The following ARSJ variants were observed in gnomAD, a reference collection of about 807,000 sequenced individuals.
ARSJ encodes arylsulfatase family member J.
Under a neutral mutation model 35.9 loss-of-function variants are expected in ARSJ, and 26 were observed. The observed-to-expected ratio is 0.72, with a 90% CI of 0.53 to 1.00. The LOEUF is 1.00. Ranked by LOEUF, ARSJ falls within the 50% of genes least tolerant of loss-of-function variation. The pLI is 0.00. For missense variants in ARSJ, 667 were observed against 723.6 expected (o/e 0.92, Z 0.90); for synonymous variants, 294 against 267.6 (o/e 1.10, Z -0.96).
intron 1 of ARSJ, among the ~76,000 whole-genome samples, chr4:113,966,208 TTAG>T (rs900194738): frequency 6.6e-6 from 1 of 151,796 alleles, no homozygotes; most frequent in Non-Finnish European, 1.5e-5. Context: ...TGAAATGGAG[TTAG>T]TATATATAAT....
Position 113,902,723 on chromosome 4 carries a change from C to A in ARSJ, c.1351G>T (p.Val451Leu). ...WNTAIQSAIR[V>L]QHWKLLTGNP... ...CCTGTAAGCAATTTCCAGTGCTGCA[C>A]TCTGATGGCTGACTGGATTGCAGTG... Residue 451 changes from valine to leucine, a missense_variant, in exon 2 of 2, where the codon GTG (valine) becomes TTG (leucine). Val to Leu is a conservative substitution (Grantham distance 32). Transcript: ENST00000315366. The A allele has an allele frequency of 6.2e-7, 1 of 1,614,224 alleles. No individual in the cohort carries two copies. The highest frequency in any genetic ancestry group is 8.5e-7 in the Non-Finnish European group (1 of 1,180,044).
In ARSJ at chr4:113,906,596, T is replaced by C. The variant is rs2099668814; in HGVS notation, c.399-2921A>G. 9 of 323,272 alleles carry C rather than the reference T, an allele frequency of 2.8e-5. 1 individual carries two copies. In the Middle Eastern group the frequency reaches 1.6e-3, roughly 56 times the overall value. 20.0% of individuals were successfully genotyped at this position (323,272 alleles called of 1,614,324 possible). Reference sequence around the variant, plus strand: ...CTTAAATGAGTTCCAGCCTCTATGGTGGAATAGGAGGAAGTTTCAGGTAAT... The same window carrying C: ...CTTAAATGAGTTCCAGCCTCTATGGCGGAATAGGAGGAAGTTTCAGGTAAT... On this transcript the variant is annotated intron_variant, in intron 1 of 1. Transcript: ENST00000315366.
At chr4:113,950,425 C>T (rs1053208006) in intron 1 of ARSJ, among the ~76,000 whole-genome samples, 3 of 152,046 alleles carry the variant, frequency 2.0e-5, no homozygotes, top group African/African-American at 7.2e-5. Context: ...AGCCCTGGAG[C>T]TGGCAGTAGG....
At chr4:113,954,722 C>G (rs187470777) in intron 1 of ARSJ, among the ~76,000 whole-genome samples, 2 of 152,170 alleles carry the variant, frequency 1.3e-5, no homozygotes, top group East Asian at 3.9e-4. Context: ...TCACACTGGG[C>G]ACTTACTGAG....
chr4:113,952,449 A>G (rs1725919793), intron 1 of ARSJ, among the ~76,000 whole-genome samples: 1 of 152,094 alleles, frequency 6.6e-6, no homozygotes, highest in Non-Finnish European at 1.5e-5. Flanking sequence ...GCTTTTTATG[A>G]GTCTTCAATG....
chr4:113,930,680 T>C (rs891970372), intron 1 of ARSJ, among the ~76,000 whole-genome samples: 1 of 151,916 alleles, frequency 6.6e-6, no homozygotes, highest in African/African-American at 2.4e-5. Context: ...ACTGGGTATA[T>C]ACCCAAAGGA....
intron 1 of ARSJ, among the ~76,000 whole-genome samples, chr4:113,931,586 T>C (rs990643937): frequency 1.3e-5 from 2 of 152,116 alleles, no homozygotes; most frequent in Admixed American, 6.6e-5. Context: ...CCAGTTATGA[T>C]TAAAAATACA....
intron 1 of ARSJ, among the ~76,000 whole-genome samples, chr4:113,908,034 G>A (rs540252661): frequency 3.3e-5 from 5 of 152,166 alleles, no homozygotes; most frequent in East Asian, 1.9e-4. Context: ...CCAAACCTCC[G>A]TGACATGCAA....
intron 1 of ARSJ, among the ~76,000 whole-genome samples, chr4:113,923,843 A>T (rs540193351): frequency 1.1e-4 from 16 of 151,444 alleles, no homozygotes; most frequent in African/African-American, 3.9e-4. Flanking sequence ...TATAAAATAA[A>T]ATTTCCATAA....
chr4:113,960,791 G>C (rs4240287), intron 1 of ARSJ, among the ~76,000 whole-genome samples: 148,660 of 152,074 alleles, frequency 0.98, 72,750 homozygotes, highest in East Asian at 1. Flanking sequence ...ATTGAATAGG[G>C]CAGTGTTTTT....
chr4:113,908,625 C>T (rs1205454419), intron 1 of ARSJ, among the ~76,000 whole-genome samples: 1 of 151,960 alleles, frequency 6.6e-6, no homozygotes, highest in Non-Finnish European at 1.5e-5. Context: ...GAGTAATAAT[C>T]CCATTATGTT....
chr4:113,948,235 G>T (rs926778829), intron 1 of ARSJ, among the ~76,000 whole-genome samples: 1 of 151,958 alleles, frequency 6.6e-6, no homozygotes, highest in Non-Finnish European at 1.5e-5. Flanking sequence ...AGGAAGTAGT[G>T]GGCTTGTGAG....
At chr4:113,939,640 T>C (rs1725012092) in intron 1 of ARSJ, among the ~76,000 whole-genome samples, 1 of 152,128 alleles carries the variant, frequency 6.6e-6, no homozygotes, top group Admixed American at 6.6e-5. Context: ...GTGGTTTTGA[T>C]TTGCATTTCT....
At chr4:113,966,516 G>A (rs992822733) in intron 1 of ARSJ, among the ~76,000 whole-genome samples, 1 of 152,068 alleles carries the variant, frequency 6.6e-6, no homozygotes, top group African/African-American at 2.4e-5. Context: ...TGGTAAATTT[G>A]GTGTTGGTAA....
intron 1 of ARSJ, among the ~76,000 whole-genome samples, chr4:113,927,668 C>T (rs554464276): frequency 2.0e-5 from 3 of 152,264 alleles, no homozygotes; most frequent in African/African-American, 4.8e-5. Flanking sequence ...AGCAATGAAA[C>T]CACATCTGGT....
chr4:113,928,530 C>G (rs1252193565), intron 1 of ARSJ, among the ~76,000 whole-genome samples: 1 of 152,098 alleles, frequency 6.6e-6, no homozygotes, highest in Non-Finnish European at 1.5e-5. Flanking sequence ...TCTAGGAACA[C>G]TGTGATTAAT....
Position 113,948,746 on chromosome 4 carries a change from C to T in ARSJ, c.398+29691G>A, listed in dbSNP as rs1202908243. ...TATTAGTGCAGGAGCTGAAAGGAAA[C>T]AATCCAGCACTGTGACATGGAGGAG... On this transcript the variant is annotated intron_variant, in intron 1 of 1. Coordinates refer to ENST00000315366, the MANE Select transcript of ARSJ (RefSeq NM_024590.4). Among the ~76,000 whole-genome samples, 17 of 152,094 alleles carry T rather than the reference C, an allele frequency of 1.1e-4. 1 individual carries two copies. The highest frequency in any genetic ancestry group is 1.1e-3 in the Admixed American group (17 of 15,260).
intron 1 of ARSJ, among the ~76,000 whole-genome samples, chr4:113,929,340 A>G (rs1013916079): frequency 1.3e-5 from 2 of 152,164 alleles, no homozygotes; most frequent in African/African-American, 4.8e-5. Flanking sequence ...CTTTCCTGGC[A>G]ACTGCCTCAG....
chr4:113,924,523 T>C (rs1054617346), intron 1 of ARSJ, among the ~76,000 whole-genome samples: 1 of 152,072 alleles, frequency 6.6e-6, no homozygotes, highest in Non-Finnish European at 1.5e-5. Context: ...CCTTGTCAAC[T>C]TGAACCCATA....
Sources: allele counts gnomAD v4.1 joint callset (sites outside exome capture counted in the v4.1 genomes callset), GRCh38; gene constraint gnomAD v4.1.1; transcripts MANE v1.5; gene names NCBI Gene and HGNC (gene_info 2026-07-23, HGNC 2026-07-21).